Variants in LUZP2 observed in about 807,000 individuals in gnomAD.
LUZP2 encodes leucine zipper protein 2.
Under a neutral mutation model 51.6 loss-of-function variants are expected in LUZP2, and 52 were observed. The ratio of observed to expected loss-of-function variants is 1.01; its 90% confidence interval spans 0.81 to 1.27. The LOEUF is 1.27. LUZP2 is among the 50% of genes most tolerant of loss of function. LUZP2 has a pLI of 0.00. For synonymous variants in LUZP2, 154 were observed against 137.3 expected, an observed-to-expected ratio of 1.12 and a Z score of -0.85; for missense variants, 436 against 395.4, an observed-to-expected ratio of 1.10 and a Z score of -0.87.
chr11:24,764,433 A>T (rs1441496070), intron 5 of LUZP2, among the ~76,000 whole-genome samples: 1 of 147,464 alleles, frequency 6.8e-6, no homozygotes, highest in East Asian at 2.1e-4. Context: ...AGGTGGGAGG[A>T]TCGCTTGAGC....
intron 1 of LUZP2, among the ~76,000 whole-genome samples, chr11:24,681,716 A>C (rs1405479000): frequency 2.0e-5 from 3 of 152,220 alleles, no homozygotes; most frequent in Non-Finnish European, 4.4e-5. Flanking sequence ...AATAGACTGG[A>C]TATTTTCAAT....
At position 24,768,024 on chromosome 11, in the gene LUZP2, T is replaced by C. The variant is rs1238343824; in HGVS notation, c.396+4716T>C. Among the ~76,000 whole-genome samples the C allele has an allele frequency of 2.0e-5, 3 of 152,148 alleles. No homozygotes were observed. In the East Asian group the frequency reaches 5.8e-4, roughly 29 times the overall value. On this transcript the variant is annotated intron_variant, in intron 5 of 11. Transcript: ENST00000336930. The stretch of plus-strand genomic sequence containing the variant: ...ACTCCTAAGATAAAATCAATTTGTC[T>C]GTAATGGTCTGAGATATAAGACAGG...
chr11:25,010,495 C>A (rs1379767859), intron 9 of LUZP2, among the ~76,000 whole-genome samples: 1 of 151,928 alleles, frequency 6.6e-6, no homozygotes, highest in Non-Finnish European at 1.5e-5. Flanking sequence ...TTACAGTGAG[C>A]CAAGATCACA....
intron 1 of LUZP2, among the ~76,000 whole-genome samples, chr11:24,580,872 G>T (rs989424088): frequency 4.6e-5 from 7 of 151,908 alleles, no homozygotes; most frequent in Non-Finnish European, 8.8e-5. Flanking sequence ...ATTACAAACA[G>T]AATTTCTTCC....
chr11:24,718,840 G>C (rs546809546), intron 1 of LUZP2, among the ~76,000 whole-genome samples: 2 of 152,108 alleles, frequency 1.3e-5, no homozygotes, highest in East Asian at 1.9e-4. Flanking sequence ...AGTGTACAAC[G>C]GTGTGTGGGA....
intron 1 of LUZP2, among the ~76,000 whole-genome samples, chr11:24,566,032 C>A (rs899068874): frequency 4.6e-5 from 7 of 151,406 alleles, no homozygotes; most frequent in African/African-American, 1.7e-4. Flanking sequence ...TAGAAAATAT[C>A]CAGTTTTTAG....
chr11:25,069,037 C>T (rs1859078406), intron 10 of LUZP2, among the ~76,000 whole-genome samples: 1 of 151,860 alleles, frequency 6.6e-6, no homozygotes, highest in African/African-American at 2.4e-5. Context: ...TTCATCAGGC[C>T]CAAATGTGTA....
chr11:24,504,540 G>A (rs1172352996), intron 1 of LUZP2, among the ~76,000 whole-genome samples: 3 of 151,896 alleles, frequency 2.0e-5, no homozygotes, highest in Non-Finnish European at 2.9e-5. Flanking sequence ...AATATTTAGG[G>A]CCATTAAAAT....
intron 1 of LUZP2, among the ~76,000 whole-genome samples, chr11:24,600,788 CA>C (rs143996900): frequency 0.022 from 3,292 of 152,158 alleles, 108 homozygotes; most frequent in African/African-American, 0.076. Context: ...TCATGGTATG[CA>C]TTTGCATTAC....
At chr11:24,960,713 A>G (rs1451887328) in intron 7 of LUZP2, among the ~76,000 whole-genome samples, 1 of 152,046 alleles carries the variant, frequency 6.6e-6, no homozygotes, top group African/African-American at 2.4e-5. Context: ...GGATTCATTA[A>G]TTTTTTGAAG....
At chr11:24,953,217 A>T (rs952794008) in intron 7 of LUZP2, among the ~76,000 whole-genome samples, 22 of 152,088 alleles carry the variant, frequency 1.4e-4, no homozygotes, top group African/African-American at 4.8e-4. Flanking sequence ...GATTTTTGGA[A>T]TAAGCATCTA....
chr11:24,632,610 T>C (rs1057171674), intron 1 of LUZP2, among the ~76,000 whole-genome samples: 2 of 151,980 alleles, frequency 1.3e-5, no homozygotes, highest in Non-Finnish European at 2.9e-5. Context: ...AAAATTCCTG[T>C]CTGCTCATCA....
Position 24,918,912 on chromosome 11 carries a change from C to T in LUZP2, c.522+4374C>T, listed in dbSNP as rs369648722. Reference sequence around the variant, plus strand: ...TATATAGTTATATATAATATATATCCATAATATGTATTATATATAGTTATA... The same window carrying T: ...TATATAGTTATATATAATATATATCTATAATATGTATTATATATAGTTATA... On this transcript the variant is annotated intron_variant, in intron 7 of 11. Transcript: ENST00000336930. Among the ~76,000 whole-genome samples the T allele has an allele frequency of 6.3e-4, 7 of 11,080 alleles. No individual in the cohort carries two copies. In the South Asian group the frequency reaches 0.02, roughly 31 times the overall value. The allele number at this position is 11,080 out of a possible 152,430, so 7.3% of individuals were successfully genotyped here.
intron 1 of LUZP2, among the ~76,000 whole-genome samples, chr11:24,663,348 G>C (rs944793730): frequency 2.0e-5 from 3 of 152,082 alleles, no homozygotes; most frequent in Non-Finnish European, 2.9e-5. Flanking sequence ...CATAAGACAT[G>C]TTTGCTTCCC....
intron 7 of LUZP2, among the ~76,000 whole-genome samples, chr11:24,919,530 A>G (rs1038749062): frequency 1.4e-5 from 2 of 140,212 alleles, no homozygotes; most frequent in Non-Finnish European, 3.1e-5. Flanking sequence ...TTCTTTATAT[A>G]TATACTGTAT....
intron 7 of LUZP2, among the ~76,000 whole-genome samples, chr11:24,944,410 A>T (rs142987995): frequency 1.3e-5 from 2 of 152,350 alleles, no homozygotes; most frequent in African/African-American, 2.4e-5. Flanking sequence ...AATTCTAAAC[A>T]TATGCATATA....
intron 1 of LUZP2, among the ~76,000 whole-genome samples, chr11:24,654,741 T>A (rs1590300955): frequency 6.7e-6 from 1 of 149,914 alleles, no homozygotes; most frequent in East Asian, 2.0e-4. Context: ...GCCAGGCTGG[T>A]CTTGAGCTTC....
At chr11:25,068,678 A>G (rs1859066602) in intron 10 of LUZP2, among the ~76,000 whole-genome samples, 1 of 151,978 alleles carries the variant, frequency 6.6e-6, no homozygotes, top group South Asian at 2.1e-4. Context: ...GAACGCATTG[A>G]CTTCTTAGAA....
intron 7 of LUZP2, among the ~76,000 whole-genome samples, chr11:24,972,839 T>G (rs1237408744): frequency 4.8e-4 from 1 of 2,102 alleles, no homozygotes; most frequent in African/African-American, 5.7e-3. Flanking sequence ...AGTATTTTAT[T>G]GAGGTTTTTT....
Sources: allele counts gnomAD v4.1 joint callset (sites outside exome capture counted in the v4.1 genomes callset), GRCh38; gene constraint gnomAD v4.1.1; transcripts MANE v1.5; gene names NCBI Gene and HGNC (gene_info 2026-07-23, HGNC 2026-07-21).